Variants in CCSER1 observed in about 807,000 individuals in gnomAD.
CCSER1 encodes coiled-coil serine rich protein 1.
Under a neutral mutation model 82.0 loss-of-function variants are expected in CCSER1, and 41 were observed. That is an observed-to-expected ratio of 0.50 (90% confidence interval 0.39 to 0.65). The LOEUF (loss-of-function observed/expected upper bound fraction) is 0.65. Ranked by LOEUF, CCSER1 falls within the 30% of genes least tolerant of loss-of-function variation. CCSER1 has a pLI of 0.00. For missense variants in CCSER1, 1,119 were observed against 1,064.2 expected (o/e 1.05, Z -0.72); for synonymous variants, 414 against 383.9 (o/e 1.08, Z -0.92).
At chr4:91,389,056 T>C (rs1751488238) in intron 10 of CCSER1, among the ~76,000 whole-genome samples, 1 of 152,064 alleles carries the variant, frequency 6.6e-6, no homozygotes, top group Admixed American at 6.6e-5. Flanking sequence ...TCTTTTAACA[T>C]TGTCTTTTGC....
At chr4:91,351,884 T>G (rs986232107) in intron 10 of CCSER1, among the ~76,000 whole-genome samples, 2 of 152,164 alleles carry the variant, frequency 1.3e-5, no homozygotes, top group Non-Finnish European at 2.9e-5. Flanking sequence ...AGTTTCCTCT[T>G]TGGTGAACCC....
At chr4:90,469,524 A>AACACACACACACGC (rs1764072572) in intron 5 of CCSER1, among the ~76,000 whole-genome samples, 1 of 136,340 alleles carries the variant, frequency 7.3e-6, no homozygotes, top group African/African-American at 2.7e-5. Context: ...TTTCCTGCAA[A>AACACACACACACGC]ACACACACAC....
chr4:91,105,818 G>T (rs1303928818), intron 10 of CCSER1, among the ~76,000 whole-genome samples: 1 of 152,066 alleles, frequency 6.6e-6, no homozygotes, highest in African/African-American at 2.4e-5. Flanking sequence ...TTCCTCAAAG[G>T]GAGGCTCAAG....
chr4:90,302,364 G>T lies in CCSER1; in HGVS notation c.-41-5880G>T, dbSNP rs1010343516. Among the ~76,000 whole-genome samples, 7 of 152,160 alleles carry T rather than the reference G, an allele frequency of 4.6e-5. No homozygotes were observed. In the East Asian group the frequency reaches 9.6e-4, roughly 21 times the overall value. On this transcript the variant is annotated intron_variant, in intron 1 of 10. Transcript: ENST00000509176. ...GAGAGACAGTGGGAATGGGGTGTCA[G>T]GTAGGGAAGGAGTGTCAGGGATGGC...
At chr4:90,789,559 C>T (rs1011822178) in intron 7 of CCSER1, among the ~76,000 whole-genome samples, 2 of 152,118 alleles carry the variant, frequency 1.3e-5, no homozygotes, top group East Asian at 3.9e-4. Context: ...CCATAATTCT[C>T]ACTTCCCACA....
chr4:91,220,969 A>C (rs1181025021), intron 10 of CCSER1, among the ~76,000 whole-genome samples: 1 of 152,168 alleles, frequency 6.6e-6, no homozygotes, highest in Non-Finnish European at 1.5e-5. Flanking sequence ...GTAGTTGAAA[A>C]ATTAACTGAC....
intron 10 of CCSER1, among the ~76,000 whole-genome samples, chr4:91,111,791 A>C (rs17183233): frequency 6.6e-6 from 1 of 151,262 alleles, no homozygotes. Flanking sequence ...TGAAGCAAGA[A>C]ATACTGTATC....
At chr4:90,777,523 T>C (rs1753082856) in intron 7 of CCSER1, among the ~76,000 whole-genome samples, 1 of 152,184 alleles carries the variant, frequency 6.6e-6, no homozygotes, top group South Asian at 2.1e-4. Context: ...AACTGTGCTT[T>C]CATGTCAGAA....
intron 6 of CCSER1, among the ~76,000 whole-genome samples, chr4:90,710,134 G>T (rs974196213): frequency 6.6e-6 from 1 of 151,914 alleles, no homozygotes; most frequent in Non-Finnish European, 1.5e-5. Context: ...TAATGGGATT[G>T]TTTGTTTTCT....
chr4:90,594,085 G>A (rs552885982), intron 5 of CCSER1, among the ~76,000 whole-genome samples: 2 of 151,874 alleles, frequency 1.3e-5, no homozygotes, highest in African/African-American at 4.8e-5. Flanking sequence ...ATGCTATGGG[G>A]ATGTGGCTAT....
At chr4:90,780,683 C>T (rs1753646968) in intron 7 of CCSER1, 1 of 1,323,930 alleles carries the variant, frequency 7.6e-7, no homozygotes, top group East Asian at 2.9e-5. Context: ...TAAGGAGGCT[C>T]TGTAAGCAAG....
chr4:90,600,600 G>T (rs1783920295), intron 5 of CCSER1, among the ~76,000 whole-genome samples: 1 of 151,962 alleles, frequency 6.6e-6, no homozygotes, highest in Non-Finnish European at 1.5e-5. Context: ...TTTTCTTCCA[G>T]ACTCTGGCTA....
intron 4 of CCSER1, among the ~76,000 whole-genome samples, chr4:90,422,307 T>C (rs1158558679): frequency 6.6e-6 from 1 of 152,174 alleles, no homozygotes; most frequent in Non-Finnish European, 1.5e-5. Flanking sequence ...TTCATCCCTA[T>C]TCTGAAGAGC....
chr4:91,302,757 CCCTTAA>C (rs748597152), intron 10 of CCSER1, among the ~76,000 whole-genome samples: 3 of 151,794 alleles, frequency 2.0e-5, no homozygotes, highest in Non-Finnish European at 4.4e-5. Context: ...ACTTTCTTAT[CCCTTAA>C]AACTTTATAT....
At chr4:90,973,060 G>T (rs888031955) in intron 9 of CCSER1, among the ~76,000 whole-genome samples, 1 of 151,672 alleles carries the variant, frequency 6.6e-6, no homozygotes, top group Non-Finnish European at 1.5e-5. Context: ...CTATAAAACT[G>T]CTAGAAGAAA....
At chr4:91,218,963 A>G (rs1256416122) in intron 10 of CCSER1, among the ~76,000 whole-genome samples, 1 of 152,212 alleles carries the variant, frequency 6.6e-6, no homozygotes, top group Non-Finnish European at 1.5e-5. Context: ...CACAAAGAGA[A>G]CACCTGATTA....
chr4:91,419,835 A>T (rs1753591712), intron 10 of CCSER1, among the ~76,000 whole-genome samples: 1 of 152,090 alleles, frequency 6.6e-6, no homozygotes, highest in Non-Finnish European at 1.5e-5. Flanking sequence ...ACATGATGGT[A>T]CTGGCATAAA....
chr4:91,424,443 C>T (rs949334570), intron 10 of CCSER1, among the ~76,000 whole-genome samples: 1 of 152,138 alleles, frequency 6.6e-6, no homozygotes, highest in Non-Finnish European at 1.5e-5. Flanking sequence ...ACAGTTATCT[C>T]AGCTCTATGG....
At chr4:91,522,462 G>T (rs1760530931) in intron 10 of CCSER1, among the ~76,000 whole-genome samples, 1 of 152,126 alleles carries the variant, frequency 6.6e-6, no homozygotes, top group Non-Finnish European at 1.5e-5. Flanking sequence ...ATTACCTTGG[G>T]CAGTATGGCC....
Sources: allele counts gnomAD v4.1 joint callset (sites outside exome capture counted in the v4.1 genomes callset), GRCh38; gene constraint gnomAD v4.1.1; transcripts MANE v1.5; gene names NCBI Gene and HGNC (gene_info 2026-07-23, HGNC 2026-07-21).